The following NECTIN3 variants were observed in gnomAD, a reference collection of about 807,000 sequenced individuals.
The protein encoded by NECTIN3 is nectin-3.
Under a neutral mutation model 49.4 loss-of-function variants are expected in NECTIN3, and 8 were observed. That is an observed-to-expected ratio of 0.16 (90% CI 0.10 to 0.29). NECTIN3 has a LOEUF of 0.29. NECTIN3 is among the 10% of genes least tolerant of loss of function. The pLI, the probability that NECTIN3 is intolerant of heterozygous loss-of-function variation, is 1.00. For synonymous variants in NECTIN3, 277 were observed against 241.1 expected, an observed-to-expected ratio of 1.15 and a Z score of -1.38; for missense variants, 581 against 654.6, an observed-to-expected ratio of 0.89 and a Z score of 1.23.
chr3:111,102,278 C>T (rs2032946980), intron 1 of NECTIN3, among the ~76,000 whole-genome samples: 1 of 152,126 alleles, frequency 6.6e-6, no homozygotes. Context: ...AATTAACTTT[C>T]CCACTATCCA....
rs1172381756 is a variant in NECTIN3, at chr3:111,135,742, G to A, written c.*1527G>A. 25 of 962,294 alleles carry A rather than the reference G, an allele frequency of 2.6e-5. No homozygotes were observed. Among genetic ancestry groups the A allele is most frequent in the Non-Finnish European group, 3.1e-5 (25 of 809,432 alleles). 59.6% of individuals were successfully genotyped at this position (962,294 alleles called of 1,614,324 possible). On this transcript the variant is annotated 3_prime_UTR_variant, in exon 6 of 6. Coordinates refer to ENST00000485303, the MANE Select transcript of NECTIN3 (RefSeq NM_015480.3). ...TATTCATCAAATCTAAAACATTTAG[G>A]GGGCAAAATTCTAACATGTTCATGG...
chr3:111,149,910 C>T (rs905451972), intron 7 of NECTIN3, among the ~76,000 whole-genome samples: 1 of 151,914 alleles, frequency 6.6e-6, no homozygotes, highest in Non-Finnish European at 1.5e-5. Flanking sequence ...GAAAACACTG[C>T]ATTCTATGAA....
At chr3:111,186,194 T>C (rs1360785790) in intron 7 of NECTIN3, among the ~76,000 whole-genome samples, 1 of 151,896 alleles carries the variant, frequency 6.6e-6, no homozygotes, top group Non-Finnish European at 1.5e-5. Context: ...GGAATTAGAA[T>C]TAGGAAAAAC....
chr3:111,109,595 A>G (rs930330706), intron 1 of NECTIN3, among the ~76,000 whole-genome samples: 5 of 151,770 alleles, frequency 3.3e-5, no homozygotes, highest in Admixed American at 6.6e-5. Flanking sequence ...CTCTTTCAGC[A>G]TTTCTTGACT....
intron 2 of NECTIN3, among the ~76,000 whole-genome samples, chr3:111,115,618 G>C (rs1274832768): frequency 6.6e-6 from 1 of 152,206 alleles, no homozygotes; most frequent in Non-Finnish European, 1.5e-5. Flanking sequence ...ACATCACATA[G>C]AGGAATGCCT....
At chr3:111,130,275 T>C (rs1051318132) in intron 5 of NECTIN3, among the ~76,000 whole-genome samples, 14 of 150,494 alleles carry the variant, frequency 9.3e-5, no homozygotes, top group Non-Finnish European at 8.8e-5. Context: ...TTTTTTTTTT[T>C]GGTAATCAGT....
At chr3:111,151,843 G>T (rs1011939415) in intron 7 of NECTIN3, among the ~76,000 whole-genome samples, 2 of 151,588 alleles carry the variant, frequency 1.3e-5, no homozygotes, top group African/African-American at 4.8e-5. Flanking sequence ...ATATAAAGAG[G>T]TGTTTTCTAA....
At chr3:111,108,634 C>G (rs1474415401) in intron 1 of NECTIN3, among the ~76,000 whole-genome samples, 2 of 152,090 alleles carry the variant, frequency 1.3e-5, no homozygotes, top group African/African-American at 2.4e-5. Context: ...TCAGGCTGCA[C>G]AGGAAACATG....
chr3:111,098,685 C>G (rs1026797914), intron 1 of NECTIN3, among the ~76,000 whole-genome samples: 1 of 152,140 alleles, frequency 6.6e-6, no homozygotes, highest in African/African-American at 2.4e-5. Context: ...GTTCATTTCA[C>G]CTAATTACTC....
At chr3:111,147,322 C>A in intron 6 of NECTIN3, 2 of 1,103,956 alleles carry the variant, frequency 1.8e-6, no homozygotes, top group Non-Finnish European at 2.6e-6. Flanking sequence ...ATTCTCAAAA[C>A]TTATGAGAAC....
intron 7 of NECTIN3, among the ~76,000 whole-genome samples, chr3:111,158,739 A>G (rs910206084): frequency 4.6e-5 from 7 of 152,152 alleles, no homozygotes; most frequent in African/African-American, 1.7e-4. Context: ...CATAAAACAT[A>G]AAGTGATAAG....
At chr3:111,097,055 T>C (rs2032628268) in intron 1 of NECTIN3, among the ~76,000 whole-genome samples, 1 of 152,092 alleles carries the variant, frequency 6.6e-6, no homozygotes, top group South Asian at 2.1e-4. Flanking sequence ...CTGCAGACAC[T>C]CAATGCCAGC....
At chr3:111,160,807 A>C (rs1454414340) in intron 7 of NECTIN3, among the ~76,000 whole-genome samples, 2 of 152,206 alleles carry the variant, frequency 1.3e-5, no homozygotes, top group Non-Finnish European at 2.9e-5. Context: ...GGAGATCGAG[A>C]CCATCGTGGC....
intron 1 of NECTIN3, among the ~76,000 whole-genome samples, chr3:111,090,499 A>G (rs2032199217): frequency 6.6e-6 from 1 of 152,024 alleles, no homozygotes; most frequent in African/African-American, 2.4e-5. Context: ...CCCAGGCAAT[A>G]CAGGAACCAT....
upstream of NECTIN3, among the ~76,000 whole-genome samples, chr3:111,189,463 T>TA (rs780496927): frequency 4.1e-4 from 62 of 152,028 alleles, no homozygotes; most frequent in Non-Finnish European, 7.7e-4. Context: ...GATACCACTT[T>TA]AAAAAAAATG....
At chr3:111,112,401 G>A (rs1356806852) in intron 2 of NECTIN3, 30 bp downstream of exon 2, 1 of 1,280,196 alleles carries the variant, frequency 7.8e-7, no homozygotes, top group African/African-American at 1.5e-5. Flanking sequence ...GTATTTTGGT[G>A]ATAGTGGTGA....
intron 1 of NECTIN3, among the ~76,000 whole-genome samples, chr3:111,087,558 C>T (rs1269931401): frequency 6.6e-5 from 10 of 151,964 alleles, no homozygotes; most frequent in Non-Finnish European, 1.3e-4. Flanking sequence ...GAGGCTGAGG[C>T]AGGATAATCA....
chr3:111,184,213 T>G (rs1180864648), intron 7 of NECTIN3, among the ~76,000 whole-genome samples: 4 of 152,208 alleles, frequency 2.6e-5, no homozygotes, highest in Admixed American at 2.0e-4. Flanking sequence ...TTGTCAACTC[T>G]CATGTTGTGT....
At chr3:111,163,260 T>C (rs2035252028) in intron 7 of NECTIN3, among the ~76,000 whole-genome samples, 1 of 152,186 alleles carries the variant, frequency 6.6e-6, no homozygotes, top group Non-Finnish European at 1.5e-5. Context: ...ACATGGTAGC[T>C]CAGGACTCCT....
Sources: gnomAD v4.1 joint callset for allele counts (sites outside exome capture counted in the v4.1 genomes callset) on GRCh38, gnomAD v4.1.1 for gene constraint, MANE v1.5 for transcripts, NCBI Gene and HGNC (gene_info 2026-07-23, HGNC 2026-07-21) for gene names.